EPHA10: variants seen among roughly 807,000 people sequenced by gnomAD.
EPHA10 encodes ephrin type-A receptor 10.
Under a neutral mutation model 109.7 loss-of-function variants are expected in EPHA10, and 120 were observed. The observed-to-expected ratio is 1.09, with a 90% CI of 0.94 to 1.27. The LOEUF (loss-of-function observed/expected upper bound fraction) is 1.27. EPHA10 is among the 50% of genes most tolerant of loss of function. EPHA10 has a pLI of 0.00. For missense variants in EPHA10, 1,396 were observed against 1,411.1 expected (o/e 0.99, Z 0.17); for synonymous variants, 640 against 618.9 (o/e 1.03, Z -0.51).
chr1:37,726,489 A>T (rs1645894249), intron 8 of EPHA10, among the ~76,000 whole-genome samples: 1 of 152,198 alleles, frequency 6.6e-6, no homozygotes. Flanking sequence ...CCTGCAGCAG[A>T]GTGTGGCCCT....
At chr1:37,751,832 C>T (rs1361982938) in intron 5 of EPHA10, among the ~76,000 whole-genome samples, 1 of 150,922 alleles carries the variant, frequency 6.6e-6, no homozygotes, top group Non-Finnish European at 1.5e-5. Context: ...AAGATCGCGC[C>T]ACTGCACTCC....
intron 14 of EPHA10, 58 bp from the exon 15 acceptor site, chr1:37,719,665 TGTGCACACACAC>T: frequency 6.3e-7 from 1 of 1,591,938 alleles, no homozygotes; most frequent in Non-Finnish European, 8.6e-7. Flanking sequence ...GCATATGGTG[TGTGCACACACAC>T]ATGCACACAC....
rs1341059239 is a variant in EPHA10, at chr1:37,716,316, G to A, written c.*2056C>T. 2 of 247,938 alleles carry A rather than the reference G, an allele frequency of 8.1e-6. No individual in the cohort carries two copies. The highest frequency in any genetic ancestry group is 1.2e-4 in the South Asian group (1 of 8,042). The allele number at this position is 247,938 out of a possible 1,614,324, so 15.4% of individuals were successfully genotyped here. ...CCCTTCTGCAGAAACAGCTGGGGTA[G>A]GGGGAGGAGATTTTGCCCTGCAGAG... On this transcript the variant is annotated 3_prime_UTR_variant, in exon 17 of 17. Coordinates refer to ENST00000373048, the MANE Select transcript of EPHA10 (RefSeq NM_001099439.2).
intron 4 of EPHA10, among the ~76,000 whole-genome samples, chr1:37,753,922 T>C (rs1486508366): frequency 6.6e-6 from 1 of 151,416 alleles, no homozygotes; most frequent in African/African-American, 2.4e-5. Flanking sequence ...GTAGGCAGGG[T>C]GAGGAGAGGG....
intron 5 of EPHA10, among the ~76,000 whole-genome samples, chr1:37,740,774 G>C (rs965726367): frequency 6.6e-6 from 1 of 152,186 alleles, no homozygotes; most frequent in Non-Finnish European, 1.5e-5. Flanking sequence ...AAGAGAAGAT[G>C]CCAGGAGGGC....
rs768420213 is a variant in EPHA10 at position 37,761,474 on chromosome 1, C to A, written c.781G>T (p.Glu261Ter). ...PPRMHCGADGEWLVPVGRCSC... is the reference protein window; with the variant it reads ...PPRMHCGADG Reference sequence around the variant, plus strand: ...CAGCGGCCCACAGGCACCAGCCACTCGCCGTCGGCGCCGCAGTGCATGCGT... The same window carrying A: ...CAGCGGCCCACAGGCACCAGCCACTAGCCGTCGGCGCCGCAGTGCATGCGT... Residue 261 changes from glutamate (E) to a stop codon, truncating the protein, a stop_gained, in exon 3 of 17, where the codon GAG becomes TAG. Transcript: ENST00000373048. LOFTEE classifies it high-confidence loss of function. 4.4e-6 allele frequency: 7 copies of A among 1,600,154 alleles called. No individual in the cohort carries two copies. The Admixed American group carries it at 1.0e-4, about 23-fold the overall frequency.
chr1:37,762,768 G>A lies in EPHA10; in HGVS notation c.171+17C>T. Reference sequence around the variant, plus strand: ...CCAGAGGATCCCTGGGACAGGGAGGGACACTTGTGCACTTACCCCATTACT... The same window carrying A: ...CCAGAGGATCCCTGGGACAGGGAGGAACACTTGTGCACTTACCCCATTACT... On this transcript the variant is annotated intron_variant, in intron 2 of 16. Coordinates refer to ENST00000373048, the MANE Select transcript of EPHA10 (RefSeq NM_001099439.2). The A allele has an allele frequency of 1.3e-6, 2 of 1,545,188 alleles. No homozygotes were observed. The highest frequency in any genetic ancestry group is 1.2e-5 in the South Asian group (1 of 82,682).
intron 3 of EPHA10, 161 bp downstream of exon 3, chr1:37,761,244 G>A (rs1167999181): frequency 1.3e-6 from 2 of 1,499,004 alleles, no homozygotes; most frequent in African/African-American, 2.8e-5. Flanking sequence ...GGACTCACTG[G>A]AAACTCCACA....
chr1:37,764,726 G>A lies in EPHA10; in HGVS notation c.106+235C>T, dbSNP rs964315253. Among the ~76,000 whole-genome samples, 1 of 151,934 alleles carries A rather than the reference G, an allele frequency of 6.6e-6. No individual in the cohort carries two copies. Among genetic ancestry groups the A allele is most frequent in the Non-Finnish European group, 1.5e-5 (1 of 68,016 alleles). On this transcript the variant is annotated intron_variant, in intron 1 of 16. Coordinates refer to ENST00000373048, the MANE Select transcript of EPHA10 (RefSeq NM_001099439.2). The surrounding 1 kb of genome is among the most constrained non-coding windows in gnomAD (Gnocchi z 5.8). ...GCCGCCTCTGGCTCCCGCGGTTCCT[G>A]GCCTCTTTCTTTCCCAACCTCCCGG... is the stretch of plus-strand genomic sequence containing the variant.
At chr1:37,746,864 A>G (rs528247022) in intron 5 of EPHA10, among the ~76,000 whole-genome samples, 10 of 152,348 alleles carry the variant, frequency 6.6e-5, no homozygotes, top group African/African-American at 2.4e-4. Flanking sequence ...GAAGCCAGAC[A>G]TGCAAGTTCA....
intron 6 of EPHA10, 35 bp from the exon 7 acceptor site, chr1:37,731,617 C>T: frequency 1.3e-6 from 2 of 1,572,518 alleles, no homozygotes; most frequent in Non-Finnish European, 1.7e-6. Context: ...CCCACCAGCG[C>T]CAGATCCACT....
At position 37,716,027 on chromosome 1, in the gene EPHA10, C is replaced by G; in HGVS notation, c.*2345G>C. On this transcript the variant is annotated 3_prime_UTR_variant, in exon 17 of 17. Transcript: ENST00000373048. ...ATAGAGAACCCAAGAAATATAAAAA[C>G]ATCTCCAGAAGGAACCCCCTCCGAC... 1 of 577,594 alleles carries G rather than the reference C, an allele frequency of 1.7e-6. No homozygotes were observed. Among genetic ancestry groups the G allele is most frequent in the East Asian group, 3.5e-5 (1 of 28,888 alleles). 35.8% of individuals were successfully genotyped at this position (577,594 alleles called of 1,614,324 possible).
Position 37,717,462 on chromosome 1 carries a change from T to G in EPHA10, c.*910A>C. 1 of 232,028 alleles carries G rather than the reference T, an allele frequency of 4.3e-6. No individual in the cohort carries two copies. The allele number at this position is 232,028 out of a possible 1,614,324, so 14.4% of individuals were successfully genotyped here. A position where few individuals can be genotyped will look rare whatever the true frequency, so the allele number is the denominator to read the frequency against. ...TCACTTGGCCTCAGTTTCCCCCATC[T>G]GTACACTGGGGGTTAGACCAGCCTG... On this transcript the variant is annotated 3_prime_UTR_variant, in exon 17 of 17. Coordinates refer to ENST00000373048, the MANE Select transcript of EPHA10 (RefSeq NM_001099439.2).
chr1:37,754,403 C>G lies in EPHA10; in HGVS notation c.851-33G>C. On this transcript the variant is annotated intron_variant, in intron 3 of 16. Coordinates refer to ENST00000373048, the MANE Select transcript of EPHA10 (RefSeq NM_001099439.2). The surrounding 1 kb of genome is among the most constrained non-coding windows in gnomAD (Gnocchi z 4.5). ...GCATGGCTGGTGAGAAGAGGGGGCTCCTCCAGTTTCTCCCCGCTTTCCTGA... is the reference window on the plus strand; with the variant it reads ...GCATGGCTGGTGAGAAGAGGGGGCTGCTCCAGTTTCTCCCCGCTTTCCTGA... 7.8e-7 allele frequency: 1 copy of G among 1,276,994 alleles called. No individual in the cohort carries two copies. The highest frequency in any genetic ancestry group is 9.9e-7 in the Non-Finnish European group (1 of 1,008,126). The allele number at this position is 1,276,994 out of a possible 1,614,324, so 79.1% of individuals were successfully genotyped here. A position where few individuals can be genotyped will look rare whatever the true frequency, so the allele number is the denominator to read the frequency against.
rs1557560523 is a variant in EPHA10, at chr1:37,761,388, C to G, written c.850+17G>C. On this transcript the variant is annotated intron_variant, in intron 3 of 16. Transcript: ENST00000373048. ...CGCTCTACACTCCCACCCCACGGCC[C>G]CCAGCCAACTGGATACCTTCGCAGA... The G allele has an allele frequency of 6.3e-7, 1 of 1,599,400 alleles. No individual in the cohort carries two copies. The highest frequency in any genetic ancestry group is 8.5e-7 in the Non-Finnish European group (1 of 1,179,782).
intron 8 of EPHA10, among the ~76,000 whole-genome samples, chr1:37,726,400 T>C (rs75776302): frequency 0.012 from 1,858 of 152,314 alleles, 45 homozygotes; most frequent in African/African-American, 0.043. Flanking sequence ...CCATTGTCGT[T>C]CCAGCTGCCA....
intron 5 of EPHA10, among the ~76,000 whole-genome samples, chr1:37,742,209 G>A (rs933370035): frequency 2.0e-5 from 3 of 152,214 alleles, no homozygotes; most frequent in African/African-American, 7.2e-5. Context: ...TGGGGCCAAA[G>A]TTACAGCAGA....
intron 5 of EPHA10, among the ~76,000 whole-genome samples, chr1:37,745,883 C>T (rs1176973340): frequency 1.3e-5 from 2 of 151,964 alleles, no homozygotes; most frequent in Non-Finnish European, 2.9e-5. Context: ...GGTGGCTTTC[C>T]TAACAAAAGC....
Position 37,718,315 on chromosome 1 carries a change from G to A in EPHA10, c.*57C>T. On this transcript the variant is annotated 3_prime_UTR_variant, in exon 17 of 17. Transcript: ENST00000373048. Reference sequence around the variant, plus strand: ...GAGCGCAGCTTGCCACGGTCCTTGGGCAGGGCTGGGGGACTGGACCCCCAC... The same window carrying A: ...GAGCGCAGCTTGCCACGGTCCTTGGACAGGGCTGGGGGACTGGACCCCCAC... 1 of 1,441,020 alleles carries A rather than the reference G, an allele frequency of 6.9e-7. No individual in the cohort carries two copies. The highest frequency in any genetic ancestry group is 9.5e-7 in the Non-Finnish European group (1 of 1,052,478). The allele number at this position is 1,441,020 out of a possible 1,614,324, so 89.3% of individuals were successfully genotyped here. A position where few individuals can be genotyped will look rare whatever the true frequency, so the allele number is the denominator to read the frequency against.
Sources: allele counts gnomAD v4.1 joint callset (sites outside exome capture counted in the v4.1 genomes callset), GRCh38; gene constraint gnomAD v4.1.1; non-coding constraint Gnocchi (gnomAD v3.1); transcripts MANE v1.5; gene names NCBI Gene and HGNC (gene_info 2026-07-23, HGNC 2026-07-21).